The following SLC6A6 variants were observed in gnomAD, a reference collection of about 807,000 sequenced individuals.
SLC6A6 encodes solute carrier family 6 member 6.
SLC6A6 carries 16 observed loss-of-function variants against 68.8 expected under a neutral mutation model. That is an observed-to-expected ratio of 0.23 (90% CI 0.16 to 0.35). The LOEUF (loss-of-function observed/expected upper bound fraction) is 0.35, where lower values mean the gene tolerates loss of function less well. Among genes scored for constraint, SLC6A6 ranks in the 10% least tolerant of loss-of-function variants. The pLI is 1.00. For synonymous variants in SLC6A6, 312 were observed against 315.4 expected (o/e 0.99, Z 0.12); for missense variants, 474 against 802.8 (o/e 0.59, Z 4.95).
At chr3:14,440,474 C>T (rs957937837) in intron 2 of SLC6A6, among the ~76,000 whole-genome samples, 3 of 151,866 alleles carry the variant, frequency 2.0e-5, no homozygotes, top group Non-Finnish European at 4.4e-5. Context: ...GCCAGAGGGT[C>T]GGCAGGGGCA....
At chr3:14,461,387 G>T (rs1700489934) in intron 6 of SLC6A6, among the ~76,000 whole-genome samples, 4 of 152,226 alleles carry the variant, frequency 2.6e-5, no homozygotes, top group Admixed American at 1.3e-4. Flanking sequence ...CCCGACCTGG[G>T]TGCCCCACAC....
In SLC6A6 at chr3:14,477,256, T is replaced by C. The variant is rs1159833186; in HGVS notation, c.1261T>C (p.Phe421Leu). 1 of 1,613,806 alleles carries C rather than the reference T, an allele frequency of 6.2e-7. No individual in the cohort carries two copies. Among genetic ancestry groups the C allele is most frequent in the Admixed American group, 1.7e-5 (1 of 60,032 alleles). ...ITSLVDLYPS[F>L]LRKGYRREIF... ...ATCCTTGGTTGATCTTTACCCATCCTTCCTAAGGAAGGGTTATCGTCGGGA... is the reference window on the plus strand; with the variant it reads ...ATCCTTGGTTGATCTTTACCCATCCCTCCTAAGGAAGGGTTATCGTCGGGA... The change falls in exon 11 of 15, where the codon TTC becomes CTC. Residue 421 changes from phenylalanine (F) to leucine (L), a missense_variant. Phe to Leu is a conservative substitution (Grantham distance 22). Coordinates refer to ENST00000622186, the MANE Select transcript of SLC6A6 (RefSeq NM_003043.6). This position sits in a 1 kb window ranked among gnomAD's most constrained non-coding sequence, Gnocchi z 4.2.
At position 14,468,344 on chromosome 3, in the gene SLC6A6, CCG is replaced by C; in HGVS notation, c.1096+134_1096+135del. 2 of 736,218 alleles carry C rather than the reference CCG, an allele frequency of 2.7e-6. No individual in the cohort carries two copies. The highest frequency in any genetic ancestry group is 4.2e-6 in the Non-Finnish European group (2 of 477,462). The allele number at this position is 736,218 out of a possible 1,614,324, so 45.6% of individuals were successfully genotyped here. ...CTGGTTTCTAAAATGGACCCCCCCC[CCG>C]CCACCAAGATATCCCCCAAATTTCA... On this transcript the variant is annotated intron_variant, in intron 9 of 14. Transcript: ENST00000622186. This position sits in a 1 kb window ranked among gnomAD's most constrained non-coding sequence, Gnocchi z 4.5.
At position 14,485,714 on chromosome 3, in the gene SLC6A6, G is replaced by A. The variant is rs2125003812; in HGVS notation, c.*707G>A. The A allele has an allele frequency of 6.5e-6, 1 of 152,768 alleles. No individual in the cohort carries two copies. Among genetic ancestry groups the A allele is most frequent in the East Asian group, 1.9e-4 (1 of 5,192 alleles). 9.5% of individuals were successfully genotyped at this position (152,768 alleles called of 1,614,324 possible). On this transcript the variant is annotated 3_prime_UTR_variant, in exon 15 of 15. Coordinates refer to ENST00000622186, the MANE Select transcript of SLC6A6 (RefSeq NM_003043.6). ...TGAATGAGGAGGCCCTATAGCAGAA[G>A]TCTGATTCTAAGAGCAGTAGAAACT...
At chr3:14,482,531 C>T (rs1005794227) in intron 14 of SLC6A6, among the ~76,000 whole-genome samples, 2 of 152,246 alleles carry the variant, frequency 1.3e-5, no homozygotes, top group African/African-American at 4.8e-5. Context: ...CTTGGGCTGG[C>T]TCCAAGAGTG....
At chr3:14,427,551 G>A (rs1216823688) in intron 2 of SLC6A6, among the ~76,000 whole-genome samples, 2 of 152,184 alleles carry the variant, frequency 1.3e-5, no homozygotes, top group Non-Finnish European at 2.9e-5. Flanking sequence ...ATTCAATAAT[G>A]CCTAAAGGAG....
At chr3:14,442,135 G>T (rs904668108) in intron 2 of SLC6A6, among the ~76,000 whole-genome samples, 2 of 152,238 alleles carry the variant, frequency 1.3e-5, no homozygotes, top group Non-Finnish European at 2.9e-5. Context: ...TGACAAGGTG[G>T]TCACATCTGC....
At chr3:14,403,822 T>A (rs976901936) in intron 1 of SLC6A6, among the ~76,000 whole-genome samples, 2 of 152,210 alleles carry the variant, frequency 1.3e-5, no homozygotes, top group Non-Finnish European at 2.9e-5. Context: ...TCCTACAGCC[T>A]CAAAGCTTCA....
chr3:14,438,196 A>G (rs1699903585), intron 2 of SLC6A6, among the ~76,000 whole-genome samples: 1 of 150,844 alleles, frequency 6.6e-6, no homozygotes, highest in Non-Finnish European at 1.5e-5. Context: ...GCCACAAAGT[A>G]TAATAGAATT....
intron 1 of SLC6A6, among the ~76,000 whole-genome samples, chr3:14,406,686 C>T (rs1295422641): frequency 4.6e-5 from 7 of 152,182 alleles, no homozygotes; most frequent in Admixed American, 4.6e-4. Context: ...CTTACCTGGT[C>T]AGAGGCTTCA....
At chr3:14,412,615 C>T (rs966647167) in intron 1 of SLC6A6, among the ~76,000 whole-genome samples, 1 of 152,162 alleles carries the variant, frequency 6.6e-6, no homozygotes, top group Non-Finnish European at 1.5e-5. Context: ...GAGCTGAGAT[C>T]GTGCCACCGC....
intron 2 of SLC6A6, among the ~76,000 whole-genome samples, chr3:14,424,159 A>G (rs1423654321): frequency 2.6e-5 from 4 of 152,142 alleles, no homozygotes; most frequent in Admixed American, 6.5e-5. Flanking sequence ...TAAGCATATA[A>G]ACATTGAGAA....
chr3:14,448,036 T>C (rs1243434075), intron 5 of SLC6A6: 12 of 1,283,568 alleles, frequency 9.3e-6, no homozygotes, highest in South Asian at 4.8e-5. Flanking sequence ...CCACTCCTCC[T>C]TTCTGAGCCT....
At chr3:14,446,285 C>G (rs1243268333) in intron 4 of SLC6A6, among the ~76,000 whole-genome samples, 1 of 152,158 alleles carries the variant, frequency 6.6e-6, no homozygotes, top group Non-Finnish European at 1.5e-5. Flanking sequence ...AGCTGAAGGT[C>G]ATTATCCTAA....
chr3:14,448,196 A>G, intron 5 of SLC6A6: 2 of 584,960 alleles, frequency 3.4e-6, no homozygotes, highest in Non-Finnish European at 4.5e-6. Context: ...AAATGCATAT[A>G]TGAAGCTGAA....
At chr3:14,454,066 G>A (rs1357024331) in intron 5 of SLC6A6, among the ~76,000 whole-genome samples, 3 of 152,198 alleles carry the variant, frequency 2.0e-5, no homozygotes, top group Non-Finnish European at 2.9e-5. Context: ...GCACCCCCTC[G>A]CTCTTAAAAG....
chr3:14,449,735 CATTATT>C (rs564524573), intron 5 of SLC6A6, among the ~76,000 whole-genome samples: 1 of 151,942 alleles, frequency 6.6e-6, no homozygotes, highest in East Asian at 1.9e-4. Context: ...CCTGAGAATC[CATTATT>C]ATTATTATTA....
Position 14,477,471 on chromosome 3 carries a change from G to A in SLC6A6, c.1347+129G>A. ...TCTCCCAGCCCCACCCAATTCAGGG[G>A]TCCTGCTTGGACCAACACTGGGGGT... On this transcript the variant is annotated intron_variant, in intron 11 of 14. Coordinates refer to ENST00000622186, the MANE Select transcript of SLC6A6 (RefSeq NM_003043.6). The surrounding 1 kb of genome is among the most constrained non-coding windows in gnomAD (Gnocchi z 4.2). The A allele has an allele frequency of 5.3e-6, 5 of 941,568 alleles. No homozygotes were observed. The highest frequency in any genetic ancestry group is 8.2e-6 in the Non-Finnish European group (5 of 612,152). The allele number at this position is 941,568 out of a possible 1,614,324, so 58.3% of individuals were successfully genotyped here.
intron 5 of SLC6A6, among the ~76,000 whole-genome samples, chr3:14,453,167 A>G (rs1474216836): frequency 6.6e-6 from 1 of 152,198 alleles, no homozygotes; most frequent in African/African-American, 2.4e-5. Flanking sequence ...GCGTGCAGTC[A>G]AAAGGAAACG....
Sources: allele counts gnomAD v4.1 joint callset (sites outside exome capture counted in the v4.1 genomes callset), GRCh38; gene constraint gnomAD v4.1.1; non-coding constraint Gnocchi (gnomAD v3.1); transcripts MANE v1.5; gene names NCBI Gene and HGNC (gene_info 2026-07-23, HGNC 2026-07-21).